KIFAP3: variants seen among roughly 807,000 people sequenced by gnomAD.
The protein encoded by KIFAP3 is kinesin-associated protein 3.
In KIFAP3, 68 loss-of-function variants were observed where a neutral mutation model predicts 106.5. The ratio of observed to expected loss-of-function variants is 0.64; its 90% CI spans 0.53 to 0.78. The LOEUF is 0.78. Ranked by LOEUF, KIFAP3 falls within the 30% of genes least tolerant of loss-of-function variation. The pLI, the probability that KIFAP3 is intolerant of heterozygous loss-of-function variation, is 0.00. For missense variants in KIFAP3, 780 were observed against 941.8 expected, an observed-to-expected ratio of 0.83 and a Z score of 2.25; for synonymous variants, 320 against 311.5, an observed-to-expected ratio of 1.03 and a Z score of -0.29.
intron 8 of KIFAP3, among the ~76,000 whole-genome samples, chr1:170,025,789 T>TA: frequency 6.6e-6 from 1 of 152,216 alleles, no homozygotes; most frequent in East Asian, 1.9e-4. Context: ...GCTGACTTTC[T>TA]ATGCAAGGCA....
chr1:170,075,893 C>T (rs968766256), upstream of KIFAP3, among the ~76,000 whole-genome samples: 61 of 152,266 alleles, frequency 4.0e-4, no homozygotes, highest in African/African-American at 1.3e-3. Context: ...TACTGCAATT[C>T]CTTCCTCATT....
intron 10 of KIFAP3, among the ~76,000 whole-genome samples, chr1:169,995,435 A>G (rs1038560000): frequency 6.6e-6 from 1 of 152,082 alleles, no homozygotes; most frequent in African/African-American, 2.4e-5. Context: ...GTTATTTTCT[A>G]TCTGTCATTC....
intron 1 of KIFAP3, among the ~76,000 whole-genome samples, chr1:170,058,357 G>A (rs10494479): frequency 0.072 from 10,890 of 152,202 alleles, 437 homozygotes; most frequent in Non-Finnish European, 0.095. Flanking sequence ...TAACAGAGCC[G>A]TTTTAGGAAG....
At chr1:169,922,362 C>T (rs1662875533) in intron 19 of KIFAP3, among the ~76,000 whole-genome samples, 1 of 152,134 alleles carries the variant, frequency 6.6e-6, no homozygotes, top group Non-Finnish European at 1.5e-5. Flanking sequence ...GCAAATCCTT[C>T]CTCTGATTCC....
chr1:170,019,008 A>T (rs1220977922), intron 9 of KIFAP3, among the ~76,000 whole-genome samples: 2 of 152,190 alleles, frequency 1.3e-5, no homozygotes, highest in African/African-American at 4.8e-5. Context: ...AAAATGACCA[A>T]TATCAGAAAT....
intron 3 of KIFAP3, chr1:170,041,968 T>C (rs1006679251): frequency 5.2e-6 from 4 of 763,342 alleles, no homozygotes; most frequent in Admixed American, 3.2e-5. Flanking sequence ...TTCTGACTTA[T>C]CAGGGTCTCA....
rs1669650906 is a variant in KIFAP3, at chr1:170,035,616, G to C, written c.518-63C>G. 5 of 965,716 alleles carry C rather than the reference G, an allele frequency of 5.2e-6. No individual in the cohort carries two copies. The South Asian group carries it at 8.8e-5, about 17-fold the overall frequency. 59.8% of individuals were successfully genotyped at this position (965,716 alleles called of 1,614,324 possible). A position where few individuals can be genotyped will look rare whatever the true frequency, so the allele number is the denominator to read the frequency against. On this transcript the variant is annotated intron_variant, in intron 5 of 19. Coordinates refer to ENST00000361580, the MANE Select transcript of KIFAP3 (RefSeq NM_014970.4). ...CTTGCTCTGGTATAAAGGGTGATTGGTTTTAAATGTCTAGTTATTAATGAA... is the reference window on the plus strand; with the variant it reads ...CTTGCTCTGGTATAAAGGGTGATTGCTTTTAAATGTCTAGTTATTAATGAA...
At chr1:169,922,971 G>A (rs1662905011) in intron 19 of KIFAP3, 1 of 314,342 alleles carries the variant, frequency 3.2e-6, no homozygotes, top group Non-Finnish European at 4.6e-6. Context: ...ATAAATGTGT[G>A]AATGCGTGTG....
intron 13 of KIFAP3, 135 bp from the exon 14 acceptor site, chr1:169,983,002 A>G: frequency 1.6e-6 from 1 of 626,082 alleles, no homozygotes; most frequent in Non-Finnish European, 2.4e-6. Context: ...AATAATCTTG[A>G]GCTAAATTGC....
upstream of KIFAP3, among the ~76,000 whole-genome samples, chr1:170,079,290 T>A (rs565227038): frequency 6.6e-6 from 1 of 152,268 alleles, no homozygotes; most frequent in African/African-American, 2.4e-5. Flanking sequence ...CCGTCCATCT[T>A]GAATGGAAGC....
rs919000564 is a variant in KIFAP3 at position 169,973,206 on chromosome 1, G to T, written c.1898-608C>A. Among the ~76,000 whole-genome samples, 10 of 141,936 alleles carry T rather than the reference G, an allele frequency of 7.0e-5. No individual in the cohort carries two copies. In the Admixed American group the frequency reaches 7.2e-4, roughly 10 times the overall value. The allele number at this position is 141,936 out of a possible 152,430, so 93.1% of individuals were successfully genotyped here. A position where few individuals can be genotyped will look rare whatever the true frequency, so the allele number is the denominator to read the frequency against. ...AAAAACAAAAGCAAAAATCATTTTG[G>T]ATATATAAAAATTAAGATAACAAAA... is the stretch of plus-strand genomic sequence containing the variant. On this transcript the variant is annotated intron_variant, in intron 16 of 19. Transcript: ENST00000361580.
At chr1:170,073,298 G>A (rs1302004874) in intron 1 of KIFAP3, among the ~76,000 whole-genome samples, 1 of 152,088 alleles carries the variant, frequency 6.6e-6, no homozygotes, top group Non-Finnish European at 1.5e-5. Context: ...GCCAGTTTCA[G>A]ATATATTTAC....
chr1:170,076,507 AAAAG>A (rs1671916866), upstream of KIFAP3, among the ~76,000 whole-genome samples: 1 of 152,336 alleles, frequency 6.6e-6, no homozygotes, highest in East Asian at 1.9e-4. Flanking sequence ...ATAAATAAAA[AAAAG>A]AAATCCATAA....
At chr1:170,082,047 A>C (rs1557886563) in intron 1 of KIFAP3, among the ~76,000 whole-genome samples, 1 of 152,232 alleles carries the variant, frequency 6.6e-6, no homozygotes, top group Non-Finnish European at 1.5e-5. Context: ...TTCAACAGTT[A>C]AATGCATATT....
chr1:169,927,765 G>A (rs1174094454), intron 19 of KIFAP3, among the ~76,000 whole-genome samples: 1 of 152,134 alleles, frequency 6.6e-6, no homozygotes. Context: ...AAGAGCAAAT[G>A]GTTTGTTATG....
intron 16 of KIFAP3, among the ~76,000 whole-genome samples, chr1:169,973,018 A>T (rs1020796295): frequency 1.3e-5 from 2 of 150,050 alleles, no homozygotes; most frequent in African/African-American, 2.4e-5. Flanking sequence ...ATGGTCAAAA[A>T]GAGAAGGCAT....
At chr1:170,040,882 G>C (rs1557857586) in intron 3 of KIFAP3, among the ~76,000 whole-genome samples, 1 of 150,848 alleles carries the variant, frequency 6.6e-6, no homozygotes, top group African/African-American at 2.4e-5. Flanking sequence ...ATGGAGTACA[G>C]TGGCATGGTC....
intron 10 of KIFAP3, among the ~76,000 whole-genome samples, chr1:170,014,453 T>A (rs1668407753): frequency 6.6e-6 from 1 of 152,206 alleles, no homozygotes; most frequent in Non-Finnish European, 1.5e-5. Context: ...CTGAATTACT[T>A]TCTATAGCCT....
chr1:170,022,776 TA>T (rs1395264442), intron 9 of KIFAP3, among the ~76,000 whole-genome samples: 1 of 152,104 alleles, frequency 6.6e-6, no homozygotes, highest in Admixed American at 6.5e-5. Context: ...TTTTCCTCAA[TA>T]AAAAATGAGG....
Sources: allele counts gnomAD v4.1 joint callset (sites outside exome capture counted in the v4.1 genomes callset), GRCh38; gene constraint gnomAD v4.1.1; transcripts MANE v1.5; gene names NCBI Gene and HGNC (gene_info 2026-07-23, HGNC 2026-07-21).